Variants in BTN3A1 observed in about 807,000 individuals in gnomAD.
BTN3A1 encodes the protein butyrophilin subfamily 3 member A1, also known as dJ45P21.3 (butyrophilin, subfamily 3, member A1).
In BTN3A1, 24 loss-of-function variants were observed where a neutral mutation model predicts 43.0. That is an observed-to-expected ratio of 0.56 (90% confidence interval 0.40 to 0.78). The LOEUF is 0.78. Ranked by LOEUF, BTN3A1 falls within the 30% of genes least tolerant of loss-of-function variation. The probability of loss-of-function intolerance (pLI) is 0.00; values close to 1 mark genes in which losing one functional copy is unlikely to be tolerated. For synonymous variants in BTN3A1, 181 were observed against 234.7 expected, an observed-to-expected ratio of 0.77 and a Z score of 2.09; for missense variants, 533 against 626.2, an observed-to-expected ratio of 0.85 and a Z score of 1.59.
chr6:26,412,192 A>G (rs1309458206), intron 9 of BTN3A1: 3 of 493,414 alleles, frequency 6.1e-6, no homozygotes, highest in Non-Finnish European at 7.3e-6. Context: ...CAGTGCCCCC[A>G]TGGTTCCCAA....
In BTN3A1 at chr6:26,405,531, C is replaced by G. The variant is rs532906057; in HGVS notation, c.-33C>G. 1 of 1,600,470 alleles carries G rather than the reference C, an allele frequency of 6.2e-7. No homozygotes were observed. The highest frequency in any genetic ancestry group is 1.1e-5 in the South Asian group (1 of 90,756). The stretch of plus-strand genomic sequence containing the variant: ...TCTTCCAGGTCATAGTGTCTGCCCC[C>G]CACCTTCCAGTATCTCCTGATATGC... On this transcript the variant is annotated 5_prime_UTR_variant, in exon 2 of 10. Transcript: ENST00000289361.
chr6:26,411,025 A>AAAAAAAAAAAAATT, intron 7 of BTN3A1, 84 bp from the exon 8 acceptor site: 9 of 796,976 alleles, frequency 1.1e-5, no homozygotes, highest in Non-Finnish European at 1.8e-5. Flanking sequence ...AAAAAAAAAG[A>AAAAAAAAAAAAATT]TTAGATGGAT....
rs987410426 is a variant in BTN3A1, at chr6:26,405,555, G to A, written c.-9G>A. Reference sequence around the variant, plus strand: ...CCCACCTTCCAGTATCTCCTGATATGCAGCATGAATGAAAATGGCAAGTTT... The same window carrying A: ...CCCACCTTCCAGTATCTCCTGATATACAGCATGAATGAAAATGGCAAGTTT... On this transcript the variant is annotated 5_prime_UTR_variant, in exon 2 of 10. An upstream start codon of the reference 5' UTR is lost. Coordinates refer to ENST00000289361, the MANE Select transcript of BTN3A1 (RefSeq NM_007048.6). 7 of 1,613,816 alleles carry A rather than the reference G, an allele frequency of 4.3e-6. No homozygotes were observed. Among genetic ancestry groups the A allele is most frequent in the Non-Finnish European group, 5.9e-6 (7 of 1,179,820 alleles).
At position 26,407,737 on chromosome 6, in the gene BTN3A1, G is replaced by T. The variant is rs1480097077; in HGVS notation, c.500G>T (p.Arg167Met). ...YKDGGIHLEC[R>M]STGWYPQPQI... ...GATGGAGGGATCCATCTGGAGTGCA[G>T]GTCCACTGGCTGGTACCCCCAACCC... is the stretch of plus-strand genomic sequence containing the variant. Residue 167 changes from arginine to methionine, a missense_variant, in exon 4 of 10, where the codon AGG (arginine) becomes ATG (methionine). Physicochemically the swap from Arg to Met is moderately conservative, Grantham distance 91 (BLOSUM62 -1). Coordinates refer to ENST00000289361, the MANE Select transcript of BTN3A1 (RefSeq NM_007048.6). 6.2e-7 allele frequency: 1 copy of T among 1,614,102 alleles called. No individual in the cohort carries two copies. The highest frequency in any genetic ancestry group is 1.7e-5 in the Admixed American group (1 of 60,004).
chr6:26,408,015 G>A (rs1762082430), intron 4 of BTN3A1, 63 bp downstream of exon 4: 6 of 1,592,246 alleles, frequency 3.8e-6, no homozygotes, highest in Non-Finnish European at 5.1e-6. Flanking sequence ...GAAGGGGGAG[G>A]TGTTAGTGTC....
chr6:26,410,067 C>A (rs775233347), intron 7 of BTN3A1, 35 bp downstream of exon 7: 1 of 1,611,332 alleles, frequency 6.2e-7, no homozygotes, highest in South Asian at 1.1e-5. Flanking sequence ...GAATTTGAAT[C>A]TATAACTGTC....
chr6:26,410,961 A>G, intron 7 of BTN3A1, 148 bp from the exon 8 acceptor site: 3 of 632,880 alleles, frequency 4.7e-6, no homozygotes, highest in Non-Finnish European at 7.6e-6. Flanking sequence ...ACAACACAAT[A>G]GAAAGAATTG....
chr6:26,413,847 C>G lies in BTN3A1; in HGVS notation c.*155C>G. 7.0e-7 allele frequency: 1 copy of G among 1,424,110 alleles called. No individual in the cohort carries two copies. The highest frequency in any genetic ancestry group is 1.2e-5 in the South Asian group (1 of 84,068). 88.2% of individuals were successfully genotyped at this position (1,424,110 alleles called of 1,614,324 possible). A position where few individuals can be genotyped will look rare whatever the true frequency, so the allele number is the denominator to read the frequency against. The stretch of plus-strand genomic sequence containing the variant: ...CCAGCTCAGAGCTGAGGGCCTCCCC[C>G]TCCACAGCAACCAATCACAACCATA... On this transcript the variant is annotated 3_prime_UTR_variant, in exon 10 of 10. Coordinates refer to ENST00000289361, the MANE Select transcript of BTN3A1 (RefSeq NM_007048.6).
chr6:26,402,631 T>C (rs1253872417), intron 1 of BTN3A1, among the ~76,000 whole-genome samples: 1 of 152,202 alleles, frequency 6.6e-6, no homozygotes, highest in African/African-American at 2.4e-5. Flanking sequence ...GAAGAAATAG[T>C]CTAATTGCAT....
rs767629073 is a variant in BTN3A1 at position 26,411,541 on chromosome 6, CT to C, written c.992-13del. 17 of 1,613,244 alleles carry C rather than the reference CT, an allele frequency of 1.1e-5. No individual in the cohort carries two copies. The African/African-American group carries it at 1.6e-4, about 15-fold the overall frequency. On this transcript the variant is annotated splice_polypyrimidine_tract_variant and intron_variant, in intron 8 of 9. Coordinates refer to ENST00000289361, the MANE Select transcript of BTN3A1 (RefSeq NM_007048.6). ...ATACTGACCTTTTCCTTATCTGTGTCTCCTTCCTTTCAGAATGGAAAAAGGC... is the reference window on the plus strand; with the variant it reads ...ATACTGACCTTTTCCTTATCTGTGTCCCTTCCTTTCAGAATGGAAAAAGGC...
intron 9 of BTN3A1, chr6:26,412,430 C>A: frequency 7.7e-7 from 1 of 1,302,636 alleles, no homozygotes; most frequent in Non-Finnish European, 1.1e-6. Flanking sequence ...ATTGGCCAAA[C>A]CCAACAGCAA....
chr6:26,412,194 G>A (rs1762243842), intron 9 of BTN3A1: 1 of 496,314 alleles, frequency 2.0e-6, no homozygotes, highest in Non-Finnish European at 3.6e-6. Context: ...GTGCCCCCAT[G>A]GTTCCCAACA....
chr6:26,413,224 C>T lies in BTN3A1; in HGVS notation c.1074C>T (p.Asp358=), dbSNP rs771982831. The change falls in exon 10 of 10, where the codon GAC becomes GAT. Residue 358 remains aspartate (D), a synonymous_variant. Coordinates refer to ENST00000289361, the MANE Select transcript of BTN3A1 (RefSeq NM_007048.6). ...ACCCCATCCTCCTTGTTTCTGAGGACCAGAGGAGTGTGCAGCGTGCCAAGG... is the reference window on the plus strand; with the variant it reads ...ACCCCATCCTCCTTGTTTCTGAGGATCAGAGGAGTGTGCAGCGTGCCAAGG... ...TANPILLVSE[D]QRSVQRAKEP... The T allele has an allele frequency of 1.2e-6, 2 of 1,614,152 alleles. No homozygotes were observed. The highest frequency in any genetic ancestry group is 1.7e-6 in the Non-Finnish European group (2 of 1,180,020).
intron 3 of BTN3A1, among the ~76,000 whole-genome samples, chr6:26,407,059 C>T (rs1242015446): frequency 1.3e-5 from 2 of 152,204 alleles, no homozygotes; most frequent in Non-Finnish European, 2.9e-5. Flanking sequence ...TCTGTGCTCA[C>T]ACATGATGTG....
chr6:26,405,438 T>C lies in BTN3A1; in HGVS notation c.-126T>C. 1.1e-6 allele frequency: 1 copy of C among 883,258 alleles called. No homozygotes were observed. The highest frequency in any genetic ancestry group is 1.6e-5 in the South Asian group (1 of 64,344). The allele number at this position is 883,258 out of a possible 1,614,324, so 54.7% of individuals were successfully genotyped here. On this transcript the variant is annotated 5_prime_UTR_variant, in exon 2 of 10. Coordinates refer to ENST00000289361, the MANE Select transcript of BTN3A1 (RefSeq NM_007048.6). ...GACAGAATTTTTGGCAGAGGAAAGA[T>C]CTTCTTCGGTCACCATACTTGAGTT...
chr6:26,406,112 A>G lies in BTN3A1; in HGVS notation c.289A>G (p.Thr97Ala). 6.3e-7 allele frequency: 1 copy of G among 1,584,688 alleles called. No individual in the cohort carries two copies. The change falls in exon 3 of 10, where the codon ACT becomes GCT. Residue 97 changes from threonine to alanine, a missense_variant. Physicochemically the swap from Thr to Ala is moderately conservative, Grantham distance 58. Around this residue, in one of 4 missense-constraint regions of BTN3A1, gnomAD observed 51 missense variants for 90.9 expected, o/e 0.56. Coordinates refer to ENST00000289361, the MANE Select transcript of BTN3A1 (RefSeq NM_007048.6). The part of the protein sequence containing the change: ...DRQSAPYRGR[T>A]SILRDGITAG... ...GCAGAGTGCACCGTATCGAGGGAGA[A>G]CTTCGATTCTGCGGGATGGCATCAC...
intron 1 of BTN3A1, among the ~76,000 whole-genome samples, chr6:26,403,383 A>G (rs527835197): frequency 1.1e-4 from 17 of 152,262 alleles, no homozygotes; most frequent in Admixed American, 9.8e-4. Context: ...TTATTTTTAA[A>G]CACTTCCCTA....
At chr6:26,405,104 T>C (rs1761967928) in intron 1 of BTN3A1, among the ~76,000 whole-genome samples, 1 of 152,076 alleles carries the variant, frequency 6.6e-6, no homozygotes, top group South Asian at 2.1e-4. Context: ...CTACCAGGAG[T>C]CCACTAGGCC....
chr6:26,410,594 TCTAA>T (rs147159148), intron 7 of BTN3A1, among the ~76,000 whole-genome samples: 2,779 of 152,158 alleles, frequency 0.018, 37 homozygotes, highest in Middle Eastern at 0.031. Context: ...ACCAATTTAT[TCTAA>T]CTGACTTCAA....
Sources: gnomAD v4.1 joint callset for allele counts (sites outside exome capture counted in the v4.1 genomes callset) on GRCh38, gnomAD v4.1.1 for gene constraint, gnomAD v4.1.1 regional missense constraint, MANE v1.5 for transcripts, NCBI Gene and HGNC (gene_info 2026-07-23, HGNC 2026-07-21) for gene names.